MTFR1L: variants seen among roughly 807,000 people sequenced by gnomAD.
MTFR1L encodes the protein mitochondrial fission regulator 1-like.
A neutral mutation model predicts 27.9 loss-of-function variants in MTFR1L; 10 were observed. That is an observed-to-expected ratio of 0.36 (90% CI 0.22 to 0.61). MTFR1L has a LOEUF of 0.61. Ranked by LOEUF, MTFR1L falls within the 20% of genes least tolerant of loss-of-function variation. The pLI is 0.73. For synonymous variants in MTFR1L, 151 were observed against 139.4 expected, an observed-to-expected ratio of 1.08 and a Z score of -0.58; for missense variants, 315 against 363.7, an observed-to-expected ratio of 0.87 and a Z score of 1.09.
chr1:25,831,650 G>A (rs1216699093), intron 6 of MTFR1L, among the ~76,000 whole-genome samples: 1 of 152,202 alleles, frequency 6.6e-6, no homozygotes, highest in Non-Finnish European at 1.5e-5. Flanking sequence ...GCTATTTCAG[G>A]AAATAGTAAA....
rs1186756756 is a variant in MTFR1L at position 25,823,633 on chromosome 1, C to A, written c.25-11C>A. ...TCTGGGGTTGTAGCTGTCTCCGTCTCTTTGCTCCAGACCATCCCAATCTGG... is the reference window on the plus strand; with the variant it reads ...TCTGGGGTTGTAGCTGTCTCCGTCTATTTGCTCCAGACCATCCCAATCTGG... On this transcript the variant is annotated splice_polypyrimidine_tract_variant and intron_variant, in intron 2 of 6. Transcript: ENST00000374303. The A allele has an allele frequency of 6.2e-7, 1 of 1,613,378 alleles. No individual in the cohort carries two copies. The highest frequency in any genetic ancestry group is 1.1e-5 in the South Asian group (1 of 90,910).
intron 1 of MTFR1L, chr1:25,821,940 AGCACAAGGCCTG>A (rs2048098989): frequency 6.6e-6 from 1 of 152,284 alleles, no homozygotes; most frequent in African/African-American, 2.4e-5. Context: ...TACGGTGCCC[AGCACAAGGCCTG>A]GCACAAGTGG....
chr1:25,826,644 G>A lies in MTFR1L; in HGVS notation c.269G>A (p.Trp90Ter). Residue 90 changes from tryptophan to a stop codon, truncating the protein, a stop_gained, in exon 5 of 7, where the codon TGG becomes TAG. Coordinates refer to ENST00000374303, the MANE Select transcript of MTFR1L (RefSeq NM_001099625.2). LOFTEE classifies it high-confidence loss of function. The surrounding 1 kb of genome is among the most constrained non-coding windows in gnomAD (Gnocchi z 4.1). ...GATACGCGCCCCCTGAGGCACACCT[G>A]GAAACCCAGCCCTCTGATTGTCATG... ...RSDTRPLRHTWKPSPLIVMQR... is the reference protein window; with the variant it reads ...RSDTRPLRHT The A allele has an allele frequency of 1.2e-6, 2 of 1,614,188 alleles. No homozygotes were observed. Among genetic ancestry groups the A allele is most frequent in the Non-Finnish European group, 1.7e-6 (2 of 1,180,038 alleles).
At chr1:25,828,200 GT>G (rs1344162103) in intron 5 of MTFR1L, among the ~76,000 whole-genome samples, 1 of 152,214 alleles carries the variant, frequency 6.6e-6, no homozygotes, top group Non-Finnish European at 1.5e-5. Flanking sequence ...AAAGTGGGGA[GT>G]TTCATGACAT....
chr1:25,828,125 C>G (rs1277370075), intron 5 of MTFR1L, among the ~76,000 whole-genome samples: 1 of 152,206 alleles, frequency 6.6e-6, no homozygotes, highest in Non-Finnish European at 1.5e-5. Context: ...TACCAGGAAT[C>G]ACAAGTGGCT....
chr1:25,832,341 A>C lies in MTFR1L; in HGVS notation c.*315A>C. 1.5e-6 allele frequency: 1 copy of C among 649,536 alleles called. No homozygotes were observed. Among genetic ancestry groups the C allele is most frequent in the Non-Finnish European group, 2.6e-6 (1 of 380,538 alleles). 40.2% of individuals were successfully genotyped at this position (649,536 alleles called of 1,614,324 possible). On this transcript the variant is annotated 3_prime_UTR_variant, in exon 7 of 7. Coordinates refer to ENST00000374303, the MANE Select transcript of MTFR1L (RefSeq NM_001099625.2). ...GCCCCTGTGTGAAAATAGGTCCTAA[A>C]TGACTGACTTCACTGCATTAGACCC...
At chr1:25,823,279 C>G (rs780597357) in intron 2 of MTFR1L, 151 bp downstream of exon 2, 2 of 833,472 alleles carry the variant, frequency 2.4e-6, no homozygotes, top group South Asian at 2.8e-5. Flanking sequence ...ACTCCCTCCC[C>G]CTAAGAAGAA....
chr1:25,823,456 C>A, intron 2 of MTFR1L, 188 bp from the exon 3 acceptor site: 1 of 919,918 alleles, frequency 1.1e-6, no homozygotes, highest in Non-Finnish European at 1.7e-6. Flanking sequence ...CCTTGGGTGG[C>A]TGGCCAGGGT....
chr1:25,828,577 A>C (rs531469128), intron 5 of MTFR1L, among the ~76,000 whole-genome samples: 3 of 152,176 alleles, frequency 2.0e-5, no homozygotes, highest in East Asian at 3.9e-4. Context: ...GAAAAAAAAA[A>C]AACAGTGGTC....
In MTFR1L at chr1:25,831,451, G is replaced by T. The variant is rs543041975; in HGVS notation, c.774-470G>T. 1.1e-4 allele frequency among the ~76,000 whole-genome samples: 16 copies of T among 152,248 alleles called. No homozygotes were observed. The South Asian group carries it at 3.3e-3, about 32-fold the overall frequency. The stretch of plus-strand genomic sequence containing the variant: ...TCTCCCCTGAAGGGGAGACCCGGTG[G>T]TAGGAAATCCCAAGCACACCTTTTC... On this transcript the variant is annotated intron_variant, in intron 6 of 6. Coordinates refer to ENST00000374303, the MANE Select transcript of MTFR1L (RefSeq NM_001099625.2).
rs1280383968 is a variant in MTFR1L at position 25,826,424 on chromosome 1, G to A, written c.239+13G>A. On this transcript the variant is annotated intron_variant, in intron 4 of 6. Coordinates refer to ENST00000374303, the MANE Select transcript of MTFR1L (RefSeq NM_001099625.2). This position sits in a 1 kb window ranked among gnomAD's most constrained non-coding sequence, Gnocchi z 4.1. The stretch of plus-strand genomic sequence containing the variant: ...ATGCCCGGGTCAGGTAGTTGAGGCA[G>A]TAGCTGGTCTGCTAAGGAATGGAGA... 3.7e-6 allele frequency: 6 copies of A among 1,613,344 alleles called. No individual in the cohort carries two copies. Among genetic ancestry groups the A allele is most frequent in the African/African-American group, 1.3e-5 (1 of 74,914 alleles).
chr1:25,820,825 TCA>T lies in MTFR1L; in HGVS notation c.-87+799_-87+800del, dbSNP rs376466538. ...GCAGACACCGTGCTGTGCGCGGGGA[TCA>T]CAGTTATCTAGTTCCTCTCGCGAGG... On this transcript the variant is annotated intron_variant, in intron 1 of 6. Transcript: ENST00000374303. The T allele has an allele frequency of 4.8e-4, 192 of 400,932 alleles. 1 individual carries two copies. The highest frequency in any genetic ancestry group is 3.9e-3 in the African/African-American group (178 of 45,470). 24.8% of individuals were successfully genotyped at this position (400,932 alleles called of 1,614,324 possible).
rs1240030567 is a variant in MTFR1L, at chr1:25,823,086, A to G, written c.-19A>G. ...TGCCCAGTGGCTGCCTTGTCCTTCA[A>G]GTGCAGGAGCTGGTTCAAATGTCAG... is the stretch of plus-strand genomic sequence containing the variant. On this transcript the variant is annotated 5_prime_UTR_variant, in exon 2 of 7. Transcript: ENST00000374303. 3 of 1,614,190 alleles carry G rather than the reference A, an allele frequency of 1.9e-6. No homozygotes were observed.
At chr1:25,823,374 C>G in intron 2 of MTFR1L, 1 of 717,798 alleles carries the variant, frequency 1.4e-6, no homozygotes, top group Non-Finnish European at 2.5e-6. Context: ...TGGATAATCT[C>G]TACACTCAGC....
Position 25,832,034 on chromosome 1 carries a change from C to T in MTFR1L, c.*8C>T. ...AGTAGAAAAGGAAATTGACAACCCT[C>T]AGCTCTGCAAACTCAGTCTCATGCT... On this transcript the variant is annotated 3_prime_UTR_variant, in exon 7 of 7. Transcript: ENST00000374303. The T allele has an allele frequency of 1.2e-6, 2 of 1,614,148 alleles. No individual in the cohort carries two copies. The highest frequency in any genetic ancestry group is 1.7e-6 in the Non-Finnish European group (2 of 1,180,004).
chr1:25,825,356 TA>T (rs2048154433), intron 3 of MTFR1L, among the ~76,000 whole-genome samples: 1 of 152,152 alleles, frequency 6.6e-6, no homozygotes, highest in African/African-American at 2.4e-5. Context: ...TTATGAAAAG[TA>T]AAAGGAAAAT....
rs1441785436 is a variant in MTFR1L, at chr1:25,832,680, AG to A, written c.*656del. On this transcript the variant is annotated 3_prime_UTR_variant, in exon 7 of 7. Coordinates refer to ENST00000374303, the MANE Select transcript of MTFR1L (RefSeq NM_001099625.2). ...ACCAAATCTACCCTCCACGGCCCTG[AG>A]GCCTTATCAGTTCCACTGATTAAAA... 6.3e-6 allele frequency: 1 copy of A among 158,434 alleles called. No individual in the cohort carries two copies. Among genetic ancestry groups the A allele is most frequent in the Non-Finnish European group, 1.4e-5 (1 of 71,036 alleles). The allele number at this position is 158,434 out of a possible 1,614,324, so 9.8% of individuals were successfully genotyped here.
chr1:25,825,238 A>C (rs1268673220), intron 3 of MTFR1L, among the ~76,000 whole-genome samples: 1 of 152,196 alleles, frequency 6.6e-6, no homozygotes, highest in Non-Finnish European at 1.5e-5. Context: ...GTTGAATCTT[A>C]CTTGTGTGTA....
chr1:25,820,089 A>T (rs1202200554), intron 1 of MTFR1L, 60 bp downstream of exon 1: 1 of 431,286 alleles, frequency 2.3e-6, no homozygotes, highest in Non-Finnish European at 4.6e-6. Flanking sequence ...CCGTTAGTAG[A>T]CTGGGTCTAC....
Sources: allele counts gnomAD v4.1 joint callset (sites outside exome capture counted in the v4.1 genomes callset), GRCh38; gene constraint gnomAD v4.1.1; non-coding constraint Gnocchi (gnomAD v3.1); transcripts MANE v1.5; gene names NCBI Gene and HGNC (gene_info 2026-07-23, HGNC 2026-07-21).